CD276: variants seen among roughly 807,000 people sequenced by gnomAD.
CD276 encodes CD276 molecule.
In CD276, 34 loss-of-function variants were observed where a neutral mutation model predicts 50.0. The observed-to-expected ratio is 0.68, with a 90% CI of 0.52 to 0.91. The LOEUF (loss-of-function observed/expected upper bound fraction) is 0.91, where lower values mean the gene tolerates loss of function less well. Among genes scored for constraint, CD276 ranks in the 40% least tolerant of loss-of-function variants. The probability of loss-of-function intolerance (pLI) is 0.00; values close to 1 mark genes in which losing one functional copy is unlikely to be tolerated. For synonymous variants in CD276, 275 were observed against 313.0 expected, an observed-to-expected ratio of 0.88 and a Z score of 1.28; for missense variants, 634 against 717.5, an observed-to-expected ratio of 0.88 and a Z score of 1.33.
intron 1 of CD276, among the ~76,000 whole-genome samples, chr15:73,693,929 T>C (rs539711207): frequency 5.7e-4 from 87 of 152,102 alleles, no homozygotes; most frequent in African/African-American, 2.0e-3. Flanking sequence ...AAAGGTTCCC[T>C]GTTCTGATAC....
rs1900436594 is a variant in CD276, at chr15:73,702,458, C to T, written c.283C>T (p.Leu95Phe). 6.2e-7 allele frequency: 1 copy of T among 1,613,762 alleles called. No homozygotes were observed. The highest frequency in any genetic ancestry group is 8.5e-7 in the Non-Finnish European group (1 of 1,180,020). ...CAGCGCCTATGCCAACCGCACGGCC[C>T]TCTTCCCGGACCTGCTGGCACAGGG... ...QGSAYANRTA[L>F]FPDLLAQGNA... The change falls in exon 3 of 10, where the codon CTC becomes TTC. Residue 95 changes from leucine to phenylalanine, a missense_variant. Coordinates refer to ENST00000318443, the MANE Select transcript of CD276 (RefSeq NM_001024736.2).
intron 2 of CD276, among the ~76,000 whole-genome samples, chr15:73,700,801 G>A (rs1331790611): frequency 8.1e-6 from 1 of 123,840 alleles, no homozygotes; most frequent in Non-Finnish European, 1.7e-5. Flanking sequence ...CACATTTTGA[G>A]TGTGCCTGCT....
intron 2 of CD276, among the ~76,000 whole-genome samples, chr15:73,700,886 C>T: frequency 7.5e-5 from 2 of 26,634 alleles, no homozygotes; most frequent in Non-Finnish European, 8.5e-5. Flanking sequence ...TTCGCTTCCC[C>T]TCCTCCCCTC....
chr15:73,690,794 A>G (rs1484240968), intron 1 of CD276: 3 of 455,456 alleles, frequency 6.6e-6, no homozygotes, highest in Non-Finnish European at 1.3e-5. Context: ...AGGGAGTCCT[A>G]TGTTGTAGGA....
At position 73,700,908 on chromosome 15, in the gene CD276, CT is replaced by C. The variant is rs1555418537; in HGVS notation, c.79+1203del. 2.0e-4 allele frequency among the ~76,000 whole-genome samples: 19 copies of C among 94,634 alleles called. No homozygotes were observed. The East Asian group carries it at 2.4e-3, about 12-fold the overall frequency. 62.1% of individuals were successfully genotyped at this position (94,634 alleles called of 152,430 possible). A position where few individuals can be genotyped will look rare whatever the true frequency, so the allele number is the denominator to read the frequency against. On this transcript the variant is annotated intron_variant, in intron 2 of 9. Coordinates refer to ENST00000318443, the MANE Select transcript of CD276 (RefSeq NM_001024736.2). The stretch of plus-strand genomic sequence containing the variant: ...CCCCTCCTCCCCTCCTCCTCCTCCT[CT>C]TTTTTTTTTTTTGAGATGGGGTCTT...
chr15:73,705,333 G>T (rs1900606839), intron 6 of CD276, among the ~76,000 whole-genome samples: 1 of 152,148 alleles, frequency 6.6e-6, no homozygotes, highest in Admixed American at 6.5e-5. Context: ...TCCAAGTTCT[G>T]ATCTCACCCC....
At chr15:73,689,243 T>C (rs555122950) in intron 1 of CD276, among the ~76,000 whole-genome samples, 7 of 149,940 alleles carry the variant, frequency 4.7e-5, no homozygotes, top group African/African-American at 1.7e-4. Flanking sequence ...CATTTCCACA[T>C]GCATGTATAG....
intron 8 of CD276, among the ~76,000 whole-genome samples, chr15:73,710,517 A>G (rs1451516141): frequency 6.6e-6 from 1 of 152,188 alleles, no homozygotes; most frequent in Non-Finnish European, 1.5e-5. Flanking sequence ...GTTTCCGCTG[A>G]GCCATTTGGG....
chr15:73,709,491 C>G, intron 7 of CD276, 157 bp from the exon 8 acceptor site: 1 of 724,056 alleles, frequency 1.4e-6, no homozygotes, highest in Non-Finnish European at 2.4e-6. Context: ...CTGCTGTGCT[C>G]TGCTCTCGGG....
intron 1 of CD276, among the ~76,000 whole-genome samples, chr15:73,697,316 T>A (rs952689683): frequency 4.0e-5 from 6 of 151,490 alleles, no homozygotes; most frequent in African/African-American, 1.5e-4. Flanking sequence ...TGCACATGGT[T>A]TGGCTGAGGG....
At chr15:73,706,393 G>A (rs1900652675) in intron 6 of CD276, among the ~76,000 whole-genome samples, 1 of 152,150 alleles carries the variant, frequency 6.6e-6, no homozygotes, top group African/African-American at 2.4e-5. Context: ...CAATCTTTGG[G>A]GGTCAGACCC....
At chr15:73,707,658 G>T (rs1040118575) in intron 6 of CD276, among the ~76,000 whole-genome samples, 1 of 152,162 alleles carries the variant, frequency 6.6e-6, no homozygotes, top group African/African-American at 2.4e-5. Context: ...TTCTCCTTCT[G>T]TTCCTCCTCC....
intron 1 of CD276, among the ~76,000 whole-genome samples, chr15:73,686,018 C>T (rs574185154): frequency 1.1e-4 from 16 of 152,246 alleles, no homozygotes; most frequent in African/African-American, 3.6e-4. Flanking sequence ...CATACGTCAC[C>T]GTCAGCTTAC....
rs1372068033 is a variant in CD276, at chr15:73,704,252, C to T, written c.1149C>T (p.Cys383=). Residue 383 remains cysteine, a synonymous_variant, in exon 6 of 10, where the codon TGC becomes TGT. Coordinates refer to ENST00000318443, the MANE Select transcript of CD276 (RefSeq NM_001024736.2). The surrounding 1 kb of genome is among the most constrained non-coding windows in gnomAD (Gnocchi z 4.1). ...LRPGDTVTIT[C]SSYRGYPEAE... is the part of the protein sequence containing the mutation. The stretch of plus-strand genomic sequence containing the variant: ...CAGGGGACACGGTGACCATCACGTG[C>T]TCCAGCTACCGGGGCTACCCTGAGG... The T allele has an allele frequency of 2.5e-6, 4 of 1,614,098 alleles. No individual in the cohort carries two copies. The highest frequency in any genetic ancestry group is 3.4e-6 in the Non-Finnish European group (4 of 1,180,064).
intron 2 of CD276, among the ~76,000 whole-genome samples, chr15:73,701,984 A>G (rs893844516): frequency 6.6e-6 from 1 of 152,154 alleles, no homozygotes; most frequent in Non-Finnish European, 1.5e-5. Flanking sequence ...CTGTGTGCCC[A>G]TTTGTCTCTC....
intron 1 of CD276, among the ~76,000 whole-genome samples, chr15:73,695,293 T>A (rs1900133624): frequency 6.6e-6 from 1 of 152,114 alleles, no homozygotes. Flanking sequence ...TTTTCTAGAA[T>A]TCCAGGGTGA....
At chr15:73,689,495 C>T (rs1049395764) in intron 1 of CD276, among the ~76,000 whole-genome samples, 1 of 152,124 alleles carries the variant, frequency 6.6e-6, no homozygotes, top group Non-Finnish European at 1.5e-5. Context: ...AACAGGGAGG[C>T]TGTTCCCAGG....
Position 73,702,781 on chromosome 15 carries a change from C to G in CD276, c.428C>G (p.Ser143Trp), listed in dbSNP as rs1567019326. 1.2e-6 allele frequency: 2 copies of G among 1,611,404 alleles called. No homozygotes were observed. Among genetic ancestry groups the G allele is most frequent in the Non-Finnish European group, 8.5e-7 (1 of 1,178,774 alleles). Residue 143 changes from serine to tryptophan, a missense_variant, in exon 4 of 10, where the codon TCG becomes TGG. Ser to Trp is a radical substitution (Grantham distance 177). Transcript: ENST00000318443. ...CCTCTGTCACCTCCAGCTCCCTACT[C>G]GAAGCCCAGCATGACCCTGGAGCCC... ...AVSLQVAAPY[S>W]KPSMTLEPNK...
chr15:73,690,569 C>T (rs1899947087), intron 1 of CD276: 3 of 397,724 alleles, frequency 7.5e-6, no homozygotes, highest in Admixed American at 2.6e-5. Flanking sequence ...TGTGGAAGGG[C>T]ATGTGAGCGT....
Sources: allele counts gnomAD v4.1 joint callset (sites outside exome capture counted in the v4.1 genomes callset), GRCh38; gene constraint gnomAD v4.1.1; non-coding constraint Gnocchi (gnomAD v3.1); transcripts MANE v1.5; gene names NCBI Gene and HGNC (gene_info 2026-07-23, HGNC 2026-07-21).